YEATS2: variants seen among roughly 807,000 people sequenced by gnomAD.
YEATS2 encodes YEATS domain containing 2.
Under a neutral mutation model 163.2 loss-of-function variants are expected in YEATS2, and 77 were observed. The ratio of observed to expected loss-of-function variants is 0.47; its 90% confidence interval spans 0.39 to 0.57. The LOEUF (loss-of-function observed/expected upper bound fraction) is 0.57. Ranked by LOEUF, YEATS2 falls within the 20% of genes least tolerant of loss-of-function variation. The pLI is 0.00. For missense variants in YEATS2, 1,549 were observed against 1,729.8 expected, an observed-to-expected ratio of 0.90 and a Z score of 1.85; for synonymous variants, 631 against 645.1, an observed-to-expected ratio of 0.98 and a Z score of 0.33.
intron 7 of YEATS2, among the ~76,000 whole-genome samples, chr3:183,733,243 TC>T (rs1169924599): frequency 6.6e-6 from 1 of 152,250 alleles, no homozygotes; most frequent in Non-Finnish European, 1.5e-5. Context: ...AGATCTAACT[TC>T]CTCTAACTTC....
At chr3:183,701,441 C>T (rs1021871330) in intron 1 of YEATS2, among the ~76,000 whole-genome samples, 2 of 152,032 alleles carry the variant, frequency 1.3e-5, no homozygotes, top group Non-Finnish European at 2.9e-5. Context: ...GGCTGGAGTG[C>T]AGTGATGCAG....
intron 8 of YEATS2, among the ~76,000 whole-genome samples, chr3:183,745,142 G>C (rs950395441): frequency 6.6e-6 from 1 of 152,152 alleles, no homozygotes; most frequent in African/African-American, 2.4e-5. Context: ...GAGCCACCGC[G>C]CCCTGGCCCC....
rs544418652 is a variant in YEATS2, at chr3:183,743,945, C to G, written c.925-3727C>G. ...CTTCCATTGGTGATAGGTGGGACTG[C>G]TTAACCTGCGGCTTAAGTTATTTTC... On this transcript the variant is annotated intron_variant, in intron 8 of 30. Transcript: ENST00000305135. 3.3e-5 allele frequency among the ~76,000 whole-genome samples: 5 copies of G among 152,190 alleles called. No individual in the cohort carries two copies. In the South Asian group the frequency reaches 1.0e-3, roughly 32 times the overall value.
At chr3:183,794,712 C>T (rs1724972944) in intron 21 of YEATS2, among the ~76,000 whole-genome samples, 1 of 152,158 alleles carries the variant, frequency 6.6e-6, no homozygotes, top group Non-Finnish European at 1.5e-5. Context: ...TCATACCATG[C>T]CAAAGTCAAA....
intron 7 of YEATS2, among the ~76,000 whole-genome samples, chr3:183,732,327 C>T (rs543007011): frequency 4.2e-4 from 63 of 151,482 alleles, no homozygotes; most frequent in Non-Finnish European, 6.8e-4. Flanking sequence ...GTGGCGTGTG[C>T]CTGTAGTCCC....
Position 183,722,134 on chromosome 3 carries a change from A to T in YEATS2, c.535A>T (p.Arg179Trp). The change falls in exon 5 of 31, where the codon AGG becomes TGG. Residue 179 changes from arginine to tryptophan, a missense_variant and splice_region_variant. Arg to Trp is a moderately radical substitution (Grantham distance 101). Coordinates refer to ENST00000305135, the MANE Select transcript of YEATS2 (RefSeq NM_018023.5). ...GCAGAGACCAAGCCGAAATACTGGAAGGGTATATAGATGGGTGGATGTGGG... is the reference window on the plus strand; with the variant it reads ...GCAGAGACCAAGCCGAAATACTGGATGGGTATATAGATGGGTGGATGTGGG... ...MEQRPSRNTG[R>W]DTSRITGSHK... 1.2e-6 allele frequency: 2 copies of T among 1,613,714 alleles called. No individual in the cohort carries two copies. Among genetic ancestry groups the T allele is most frequent in the Admixed American group, 1.7e-5 (1 of 59,926 alleles).
intron 20 of YEATS2, among the ~76,000 whole-genome samples, chr3:183,788,567 G>A (rs1284611128): frequency 2.0e-5 from 3 of 152,188 alleles, no homozygotes; most frequent in African/African-American, 7.2e-5. Flanking sequence ...CACTTAGGTT[G>A]ATTCCAAATC....
At chr3:183,802,387 T>A (rs1725742486) in intron 25 of YEATS2, 1 of 153,034 alleles carries the variant, frequency 6.5e-6, no homozygotes, top group Non-Finnish European at 1.5e-5. Context: ...TTCTGTAGGG[T>A]AAAGTTTGGG....
chr3:183,700,770 CAAAAAAA>C (rs774835127), intron 1 of YEATS2, among the ~76,000 whole-genome samples: 6 of 37,756 alleles, frequency 1.6e-4, no homozygotes, highest in African/African-American at 2.5e-4. Context: ...GACTTCGTCT[CAAAAAAA>C]AAAAAAAAAA....
intron 23 of YEATS2, 144 bp downstream of exon 23, chr3:183,799,133 C>T: frequency 1.4e-6 from 1 of 699,250 alleles, no homozygotes; most frequent in Admixed American, 2.3e-5. Flanking sequence ...GTGAATCAGT[C>T]ACTTGGCAAA....
chr3:183,769,893 G>A (rs1024855095), intron 15 of YEATS2, among the ~76,000 whole-genome samples: 1 of 151,464 alleles, frequency 6.6e-6, no homozygotes, highest in East Asian at 2.0e-4. Context: ...CACCATGTTG[G>A]CCAGGACAGT....
intron 13 of YEATS2, among the ~76,000 whole-genome samples, chr3:183,760,116 T>C (rs1327939680): frequency 6.6e-6 from 1 of 152,192 alleles, no homozygotes; most frequent in Non-Finnish European, 1.5e-5. Flanking sequence ...CTCTAAGTTC[T>C]GTGCAGTGTG....
intron 4 of YEATS2, among the ~76,000 whole-genome samples, chr3:183,718,988 C>T (rs1716212712): frequency 6.6e-6 from 1 of 152,136 alleles, no homozygotes; most frequent in Admixed American, 6.5e-5. Flanking sequence ...AGCCACCATG[C>T]CTGGCCTAAA....
At chr3:183,728,121 G>A (rs1717314998) in intron 6 of YEATS2, among the ~76,000 whole-genome samples, 1 of 152,052 alleles carries the variant, frequency 6.6e-6, no homozygotes, top group African/African-American at 2.4e-5. Context: ...CTGAAGTACA[G>A]TGATGTGATT....
chr3:183,790,082 C>T (rs1560318757), intron 20 of YEATS2, among the ~76,000 whole-genome samples: 1 of 152,212 alleles, frequency 6.6e-6, no homozygotes, highest in East Asian at 1.9e-4. Flanking sequence ...AATGTTCTTT[C>T]ATGCCTCACC....
chr3:183,760,623 G>C (rs941101008), intron 13 of YEATS2, among the ~76,000 whole-genome samples: 3 of 152,098 alleles, frequency 2.0e-5, no homozygotes, highest in Non-Finnish European at 4.4e-5. Context: ...CGCCTGGCCA[G>C]AACTACAGAA....
At chr3:183,715,418 C>T (rs184189638) in intron 2 of YEATS2, among the ~76,000 whole-genome samples, 156 bp downstream of exon 2, 2 of 152,216 alleles carry the variant, frequency 1.3e-5, no homozygotes, top group African/African-American at 4.8e-5. Context: ...TAGTAATACA[C>T]CATGTGTGCT....
At chr3:183,782,148 T>C (rs1244642333) in intron 19 of YEATS2, among the ~76,000 whole-genome samples, 24 of 152,114 alleles carry the variant, frequency 1.6e-4, no homozygotes, top group African/African-American at 5.8e-4. Context: ...TCGCTCTTGT[T>C]GCCCAGGCTG....
chr3:183,761,533 G>A lies in YEATS2; in HGVS notation c.1683G>A (p.Met561Ile). 6.2e-7 allele frequency: 1 copy of A among 1,614,052 alleles called. No individual in the cohort carries two copies. The highest frequency in any genetic ancestry group is 1.3e-5 in the African/African-American group (1 of 75,028). ...AGGAGGATTCTTTGTTTGCATCTATGCCACCTCTTTGCCCAATTGGGAGTC... is the reference window on the plus strand; with the variant it reads ...AGGAGGATTCTTTGTTTGCATCTATACCACCTCTTTGCCCAATTGGGAGTC... The part of the protein sequence containing the change: ...VKQEDSLFAS[M>I]PPLCPIGSHP... Residue 561 changes from methionine (M) to isoleucine (I), a missense_variant, in exon 14 of 31, where the codon ATG (methionine) becomes ATA (isoleucine). By Grantham distance (10) the Met-to-Ile change is conservative. Transcript: ENST00000305135.
Sources: allele counts gnomAD v4.1 joint callset (sites outside exome capture counted in the v4.1 genomes callset), GRCh38; gene constraint gnomAD v4.1.1; transcripts MANE v1.5; gene names NCBI Gene and HGNC (gene_info 2026-07-23, HGNC 2026-07-21).